CCSAP: variants seen among roughly 807,000 people sequenced by gnomAD.
The protein encoded by CCSAP is centriole, cilia and spindle associated protein, also known as centriole, cilia and spindle-associated protein.
A neutral mutation model predicts 25.9 loss-of-function variants in CCSAP; 17 were observed. The observed-to-expected ratio is 0.66, with a 90% CI of 0.45 to 0.99. The LOEUF is 0.99. CCSAP is among the 50% of genes least tolerant of loss of function. The probability of loss-of-function intolerance (pLI) is 0.00; values close to 1 mark genes in which losing one functional copy is unlikely to be tolerated. For synonymous variants in CCSAP, 169 were observed against 157.1 expected (o/e 1.08, Z -0.57); for missense variants, 339 against 367.8 (o/e 0.92, Z 0.64).
intron 2 of CCSAP, among the ~76,000 whole-genome samples, chr1:229,333,105 A>T (rs1365760318): frequency 6.6e-6 from 1 of 152,238 alleles, no homozygotes; most frequent in African/African-American, 2.4e-5. Flanking sequence ...ACAACAAAAA[A>T]ACTTCAAAAA....
chr1:229,337,706 C>CATATATATATATATATATAT (rs397733324), intron 2 of CCSAP, among the ~76,000 whole-genome samples: 2 of 88,624 alleles, frequency 2.3e-5, no homozygotes, highest in South Asian at 3.2e-4. Flanking sequence ...TATACACATA[C>CATATATATATATATATATAT]ATATATATAT....
At chr1:229,337,934 CAA>C (rs1184383659) in intron 2 of CCSAP, among the ~76,000 whole-genome samples, 2 of 151,246 alleles carry the variant, frequency 1.3e-5, no homozygotes, top group Non-Finnish European at 2.9e-5. Context: ...AAGCAAAAAA[CAA>C]AAACAAAATA....
intron 2 of CCSAP, among the ~76,000 whole-genome samples, chr1:229,333,709 G>A (rs1342028127): frequency 1.3e-5 from 2 of 151,788 alleles, no homozygotes; most frequent in Non-Finnish European, 1.5e-5. Context: ...AGGAAACCTC[G>A]TCTCTACTAA....
chr1:229,342,300 C>G lies in CCSAP; in HGVS notation c.166G>C (p.Gly56Arg). 1 of 1,422,940 alleles carries G rather than the reference C, an allele frequency of 7.0e-7. No homozygotes were observed. The highest frequency in any genetic ancestry group is 9.2e-7 in the Non-Finnish European group (1 of 1,088,008). The allele number at this position is 1,422,940 out of a possible 1,614,324, so 88.1% of individuals were successfully genotyped here. Reference protein sequence around the residue: ...PWLWDDWGPAGSSEDSASSES... With the variant: ...PWLWDDWGPARSSEDSASSES... Reference sequence around the variant, plus strand: ...GACGACGCCGAGTCCTCCGAGGAGCCGGCCGGGCCCCAGTCGTCCCAGAGC... The same window carrying G: ...GACGACGCCGAGTCCTCCGAGGAGCGGGCCGGGCCCCAGTCGTCCCAGAGC... The change falls in exon 2 of 4, where the codon GGC (glycine) becomes CGC (arginine). Residue 56 changes from glycine to arginine, a missense_variant. Transcript: ENST00000284617. This position sits in a 1 kb window ranked among gnomAD's most constrained non-coding sequence, Gnocchi z 7.5.
At chr1:229,327,443 A>G in intron 2 of CCSAP, 1 of 436,364 alleles carries the variant, frequency 2.3e-6, no homozygotes, top group Non-Finnish European at 4.7e-6. Context: ...CCACCCGAAA[A>G]TGCTCCTTAG....
At position 229,328,803 on chromosome 1, in the gene CCSAP, G is replaced by A. The variant is rs188217049; in HGVS notation, c.368-1797C>T. ...GAAACCTTTATAGGTCATCTGCCAC[G>A]TCTGCCTTCAGTGATGACCTTGACT... On this transcript the variant is annotated intron_variant, in intron 2 of 3. Coordinates refer to ENST00000284617, the MANE Select transcript of CCSAP (RefSeq NM_145257.5). 5.1e-4 allele frequency among the ~76,000 whole-genome samples: 78 copies of A among 152,284 alleles called. 1 individual carries two copies. The highest frequency in any genetic ancestry group is 1.8e-3 in the African/African-American group (76 of 41,558).
Position 229,339,375 on chromosome 1 carries a change from C to T in CCSAP, c.367+2724G>A, listed in dbSNP as rs1172593408. On this transcript the variant is annotated intron_variant, in intron 2 of 3. Transcript: ENST00000284617. ...AGGAGGAATGCCCCCAGAGTTTCTACGGACAACTGTTCCAACCTAGAATTC... is the reference window on the plus strand; with the variant it reads ...AGGAGGAATGCCCCCAGAGTTTCTATGGACAACTGTTCCAACCTAGAATTC... Among the ~76,000 whole-genome samples, 7 of 152,146 alleles carry T rather than the reference C, an allele frequency of 4.6e-5. No individual in the cohort carries two copies. The South Asian group carries it at 8.3e-4, about 18-fold the overall frequency.
At chr1:229,337,706 C>CATATATAT (rs397733324) in intron 2 of CCSAP, among the ~76,000 whole-genome samples, 2,760 of 87,426 alleles carry the variant, frequency 0.032, 70 homozygotes, top group African/African-American at 0.063. Context: ...TATACACATA[C>CATATATAT]ATATATATAT....
At chr1:229,328,827 C>G (rs765557748) in intron 2 of CCSAP, among the ~76,000 whole-genome samples, 4 of 152,254 alleles carry the variant, frequency 2.6e-5, no homozygotes, top group Non-Finnish European at 5.9e-5. Flanking sequence ...ATGACCTTGA[C>G]TCTAGCAAAC....
In CCSAP at chr1:229,329,762, G is replaced by C. The variant is rs983690653; in HGVS notation, c.368-2756C>G. Among the ~76,000 whole-genome samples, 34 of 152,288 alleles carry C rather than the reference G, an allele frequency of 2.2e-4. 1 individual carries two copies. The highest frequency in any genetic ancestry group is 2.2e-3 in the Admixed American group (34 of 15,292). On this transcript the variant is annotated intron_variant, in intron 2 of 3. Coordinates refer to ENST00000284617, the MANE Select transcript of CCSAP (RefSeq NM_145257.5). ...TCCCAGCACTTTGGGAGGCCAACGA[G>C]GGTGGATCACCTGAGGTCTGGAGTT... is the stretch of plus-strand genomic sequence containing the variant.
Position 229,325,031 on chromosome 1 carries a change from A to G in CCSAP, c.*204T>C, listed in dbSNP as rs1657908828. The stretch of plus-strand genomic sequence containing the variant: ...TATCTTCATAAATAACCAAATGTCT[A>G]TGGCTTCAACTGTCTGCCCTACTGC... On this transcript the variant is annotated 3_prime_UTR_variant, in exon 4 of 4. Transcript: ENST00000284617. 2.1e-6 allele frequency: 1 copy of G among 478,002 alleles called. No homozygotes were observed. The highest frequency in any genetic ancestry group is 3.7e-6 in the Non-Finnish European group (1 of 272,302). 29.6% of individuals were successfully genotyped at this position (478,002 alleles called of 1,614,324 possible). A position where few individuals can be genotyped will look rare whatever the true frequency, so the allele number is the denominator to read the frequency against.
intron 2 of CCSAP, among the ~76,000 whole-genome samples, chr1:229,339,913 C>A (rs1054567454): frequency 1.3e-5 from 2 of 151,216 alleles, no homozygotes; most frequent in Non-Finnish European, 2.9e-5. Flanking sequence ...GTGAGGAGAG[C>A]AGTAAAAAAG....
At chr1:229,326,662 G>C in intron 3 of CCSAP, 76 bp downstream of exon 3, 1 of 1,559,614 alleles carries the variant, frequency 6.4e-7, no homozygotes, top group South Asian at 1.2e-5. Context: ...CAAAGGACAC[G>C]ATGCCCGATG....
Position 229,342,583 on chromosome 1 carries a change from A to C in CCSAP, c.-48-70T>G. On this transcript the variant is annotated intron_variant, in intron 1 of 3. Coordinates refer to ENST00000284617, the MANE Select transcript of CCSAP (RefSeq NM_145257.5). The surrounding 1 kb of genome is among the most constrained non-coding windows in gnomAD (Gnocchi z 7.5). ...CCGGCCCTGCCCGCCGCGACGTTTA[A>C]ACCCGGAGCCCCGCCCGGACGGGAG... 6.4e-6 allele frequency: 4 copies of C among 625,886 alleles called. No individual in the cohort carries two copies. The highest frequency in any genetic ancestry group is 9.1e-6 in the Non-Finnish European group (4 of 440,366). 38.8% of individuals were successfully genotyped at this position (625,886 alleles called of 1,614,324 possible). A position where few individuals can be genotyped will look rare whatever the true frequency, so the allele number is the denominator to read the frequency against.
rs1330588348 is a variant in CCSAP, at chr1:229,342,225, G to A, written c.241C>T (p.Pro81Ser). The stretch of plus-strand genomic sequence containing the variant: ...GTCGCCGGCTCTACGGGCGGCGGGG[G>A]CGAGGGCGGGGCGCACCGGGGTGCG... ...GPAPRCAPPS[P>S]PPPVEPATQE... Residue 81 changes from proline to serine, a missense_variant, in exon 2 of 4, where the codon CCC becomes TCC. By Grantham distance (74) the Pro-to-Ser change is moderately conservative. Transcript: ENST00000284617. This position sits in a 1 kb window ranked among gnomAD's most constrained non-coding sequence, Gnocchi z 7.5. The A allele has an allele frequency of 1.6e-6, 2 of 1,255,342 alleles. No homozygotes were observed. The highest frequency in any genetic ancestry group is 3.2e-5 in the East Asian group (1 of 31,596). 77.8% of individuals were successfully genotyped at this position (1,255,342 alleles called of 1,614,324 possible).
intron 2 of CCSAP, among the ~76,000 whole-genome samples, chr1:229,341,403 G>C (rs1040219619): frequency 6.6e-6 from 1 of 152,144 alleles, no homozygotes; most frequent in Admixed American, 6.5e-5. Flanking sequence ...CGTTCAACTG[G>C]GTCCCCAGCC....
intron 2 of CCSAP, chr1:229,340,621 G>A (rs938917332): frequency 3.8e-6 from 2 of 525,818 alleles, no homozygotes; most frequent in African/African-American, 1.9e-5. Context: ...TCTGTTATTT[G>A]CATTTCTAGC....
chr1:229,337,682 T>TAA (rs1558252347), intron 2 of CCSAP, among the ~76,000 whole-genome samples: 1 of 42,126 alleles, frequency 2.4e-5, no homozygotes, highest in Non-Finnish European at 5.3e-5. Context: ...AAAAAAAATA[T>TAA]ATATATATAT....
chr1:229,330,449 C>T (rs543346807), intron 2 of CCSAP, among the ~76,000 whole-genome samples: 29 of 152,136 alleles, frequency 1.9e-4, no homozygotes, highest in Admixed American at 7.9e-4. Context: ...TCATTTAATG[C>T]ACAGGCAAAG....
Sources: allele counts gnomAD v4.1 joint callset (sites outside exome capture counted in the v4.1 genomes callset), GRCh38; gene constraint gnomAD v4.1.1; non-coding constraint Gnocchi (gnomAD v3.1); transcripts MANE v1.5; gene names NCBI Gene and HGNC (gene_info 2026-07-23, HGNC 2026-07-21).